The following UBAP2 variants were observed in gnomAD, a reference collection of about 807,000 sequenced individuals.
UBAP2 encodes the protein ubiquitin-associated protein 2.
A neutral mutation model predicts 139.6 loss-of-function variants in UBAP2; 75 were observed. That is an observed-to-expected ratio of 0.54 (90% CI 0.45 to 0.65). The LOEUF (loss-of-function observed/expected upper bound fraction) is 0.65. Among genes scored for constraint, UBAP2 ranks in the 30% least tolerant of loss-of-function variants. The pLI is 0.00. For synonymous variants in UBAP2, 526 were observed against 526.2 expected (o/e 1.00, Z 0.01); for missense variants, 1,368 against 1,369.6 (o/e 1.00, Z 0.02).
chr9:33,923,133 G>GGCAGGAGCCCA (rs756040109), intron 26 of UBAP2, 53 bp downstream of exon 26: 1 of 1,612,188 alleles, frequency 6.2e-7, no homozygotes, highest in Non-Finnish European at 8.5e-7. Context: ...GAGGGGATCA[G>GGCAGGAGCCCA]GCAGGAGCCC....
intron 15 of UBAP2, 144 bp from the exon 16 acceptor site, chr9:33,942,006 T>G: frequency 1.6e-6 from 1 of 627,796 alleles, no homozygotes. Flanking sequence ...AACTGAGAGA[T>G]AGGGGGACAT....
At chr9:33,930,439 A>G (rs1376466549) in intron 19 of UBAP2, among the ~76,000 whole-genome samples, 1 of 152,138 alleles carries the variant, frequency 6.6e-6, no homozygotes, top group Admixed American at 6.5e-5. Context: ...TAACATCATA[A>G]AGCAGAACTG....
chr9:33,954,639 A>C (rs1826400066), intron 11 of UBAP2, among the ~76,000 whole-genome samples: 2 of 152,196 alleles, frequency 1.3e-5, no homozygotes, highest in Non-Finnish European at 2.9e-5. Context: ...CACATGGCAA[A>C]GTTCCTAGCC....
intron 15 of UBAP2, among the ~76,000 whole-genome samples, chr9:33,943,058 T>C (rs533454255): frequency 1.6e-4 from 21 of 131,650 alleles, no homozygotes; most frequent in Non-Finnish European, 3.1e-4. Context: ...AACTAATGAA[T>C]GAATAAAATG....
At chr9:33,988,853 A>C (rs1227857014) in intron 5 of UBAP2, 120 bp downstream of exon 5, 1 of 1,135,578 alleles carries the variant, frequency 8.8e-7, no homozygotes, top group Non-Finnish European at 1.3e-6. Flanking sequence ...ACTAAGAAAA[A>C]ATTTGAGAAA....
intron 1 of UBAP2, among the ~76,000 whole-genome samples, chr9:34,033,608 GAC>G (rs1162585899): frequency 6.6e-6 from 1 of 151,640 alleles, no homozygotes; most frequent in Non-Finnish European, 1.5e-5. Context: ...GACAGGGTCT[GAC>G]TCTTTCGCCC....
At chr9:33,986,460 C>T (rs1276243932) in intron 6 of UBAP2, among the ~76,000 whole-genome samples, 1 of 152,104 alleles carries the variant, frequency 6.6e-6, no homozygotes, top group African/African-American at 2.4e-5. Context: ...TTAAAAAACC[C>T]TATTGCATTG....
chr9:34,023,125 C>G (rs2131302465), intron 1 of UBAP2, among the ~76,000 whole-genome samples: 1 of 151,502 alleles, frequency 6.6e-6, no homozygotes, highest in Admixed American at 6.6e-5. Flanking sequence ...ACTCGGGAGG[C>G]TGAGGCAGAA....
intron 8 of UBAP2, chr9:33,967,952 T>TGG (rs1827594642): frequency 4.5e-6 from 1 of 221,036 alleles, no homozygotes; most frequent in African/African-American, 2.3e-5. Context: ...TCACTACATA[T>TGG]TTCTTTACTG....
intron 6 of UBAP2, among the ~76,000 whole-genome samples, chr9:33,982,917 T>C (rs948620234): frequency 6.6e-6 from 1 of 151,286 alleles, no homozygotes; most frequent in African/African-American, 2.4e-5. Flanking sequence ...AGTCTCACTG[T>C]CACCCAGGCC....
chr9:33,972,836 C>A (rs1218439925), intron 7 of UBAP2, among the ~76,000 whole-genome samples: 1 of 152,070 alleles, frequency 6.6e-6, no homozygotes, highest in African/African-American at 2.4e-5. Context: ...TTAGGTACGT[C>A]TATAGGTATT....
intron 6 of UBAP2, among the ~76,000 whole-genome samples, chr9:33,974,109 G>C (rs193226421): frequency 2.0e-5 from 3 of 152,164 alleles, no homozygotes; most frequent in African/African-American, 7.2e-5. Flanking sequence ...GAGGATCCAT[G>C]AGCCCAGGAG....
intron 6 of UBAP2, among the ~76,000 whole-genome samples, chr9:33,974,414 G>A (rs1053774517): frequency 1.3e-5 from 2 of 152,114 alleles, no homozygotes; most frequent in Non-Finnish European, 2.9e-5. Flanking sequence ...GGCTGAAGTC[G>A]AAGGATTGCT....
chr9:33,997,865 G>C (rs1822330200), intron 3 of UBAP2: 1 of 152,108 alleles, frequency 6.6e-6, no homozygotes, highest in Admixed American at 6.6e-5. Flanking sequence ...GACAAAACAA[G>C]ATTTCATTGT....
At chr9:33,960,963 C>T (rs775540827) in intron 9 of UBAP2, 85 bp from the exon 10 acceptor site, 67 of 1,375,894 alleles carry the variant, frequency 4.9e-5, no homozygotes, top group Admixed American at 2.9e-4. Context: ...GTGTACTATG[C>T]GGGGAAAAAA....
intron 6 of UBAP2, among the ~76,000 whole-genome samples, chr9:33,980,632 T>C (rs1031438240): frequency 1.3e-5 from 2 of 152,094 alleles, no homozygotes; most frequent in Admixed American, 1.3e-4. Context: ...GATATCTTTT[T>C]CTGCATAAAG....
Position 33,944,391 on chromosome 9 carries a change from T to C in UBAP2, c.1519A>G (p.Lys507Glu), listed in dbSNP as rs1204870710. 6.2e-7 allele frequency: 1 copy of C among 1,613,406 alleles called. No individual in the cohort carries two copies. The highest frequency in any genetic ancestry group is 1.3e-5 in the African/African-American group (1 of 74,910). ...TTAGAAGCTGGGGGTATCCGCCGCT[T>C]AGCAAGTTTGATGTGTTTGGGCTGT... ...QPQPKHIKLA[K>E]RRIPPASKIP... The change falls in exon 14 of 29, where the codon AAG (lysine) becomes GAG (glutamate). Residue 507 changes from lysine (K) to glutamate (E), a missense_variant. Coordinates refer to ENST00000379238, the MANE Select transcript of UBAP2 (RefSeq NM_001370062.2).
At chr9:33,982,953 C>A (rs928612016) in intron 6 of UBAP2, among the ~76,000 whole-genome samples, 1 of 150,684 alleles carries the variant, frequency 6.6e-6, no homozygotes, top group African/African-American at 2.4e-5. Flanking sequence ...GATCTCGGCT[C>A]ACAGCAACCT....
chr9:33,994,926 C>G (rs1192061063), intron 4 of UBAP2: 4 of 152,124 alleles, frequency 2.6e-5, no homozygotes, highest in African/African-American at 9.7e-5. Flanking sequence ...TCAATTAAAT[C>G]TGAACACTGA....
Sources: gnomAD v4.1 joint callset for allele counts (sites outside exome capture counted in the v4.1 genomes callset) on GRCh38, gnomAD v4.1.1 for gene constraint, MANE v1.5 for transcripts, NCBI Gene and HGNC (gene_info 2026-07-23, HGNC 2026-07-21) for gene names.